Variants in NAV2 observed in about 807,000 individuals in gnomAD.
NAV2 encodes helicase, APC down-regulated 1.
NAV2 carries 54 observed loss-of-function variants against 223.2 expected under a neutral mutation model. The ratio of observed to expected loss-of-function variants is 0.24; its 90% confidence interval spans 0.19 to 0.30. The LOEUF (loss-of-function observed/expected upper bound fraction) is 0.30, where lower values mean the gene tolerates loss of function less well. Among genes scored for constraint, NAV2 ranks in the 10% least tolerant of loss-of-function variants. NAV2 has a pLI of 1.00. For synonymous variants in NAV2, 1,279 were observed against 1,239.3 expected, an observed-to-expected ratio of 1.03 and a Z score of -0.67; for missense variants, 2,806 against 3,147.5, an observed-to-expected ratio of 0.89 and a Z score of 2.60.
At chr11:19,943,149 A>T (rs963113225) in intron 8 of NAV2, among the ~76,000 whole-genome samples, 1 of 152,170 alleles carries the variant, frequency 6.6e-6, no homozygotes, top group Non-Finnish European at 1.5e-5. Context: ...TTCATAATCA[A>T]TATTTTCTAA....
intron 6 of NAV2, among the ~76,000 whole-genome samples, chr11:19,906,957 C>A (rs977885642): frequency 3.9e-5 from 6 of 152,130 alleles, no homozygotes; most frequent in African/African-American, 1.4e-4. Flanking sequence ...GACTTGGGCT[C>A]AGGACACCTG....
chr11:19,894,032 T>C (rs2041738936), intron 6 of NAV2, among the ~76,000 whole-genome samples: 1 of 152,234 alleles, frequency 6.6e-6, no homozygotes, highest in Non-Finnish European at 1.5e-5. Flanking sequence ...TGTATGTATA[T>C]ATGTATTTGT....
chr11:20,056,499 T>C, intron 19 of NAV2: 2 of 1,453,058 alleles, frequency 1.4e-6, no homozygotes, highest in Admixed American at 1.7e-5. Context: ...TATTTGGGGT[T>C]GGATTTTTAT....
chr11:20,068,121 A>T, intron 20 of NAV2, 65 bp from the exon 21 acceptor site: 3 of 1,411,422 alleles, frequency 2.1e-6, no homozygotes, highest in Non-Finnish European at 3.0e-6. Flanking sequence ...GGTGTTCCCG[A>T]TGGGCTGGAC....
chr11:19,792,435 C>T (rs866003213), intron 1 of NAV2, among the ~76,000 whole-genome samples: 2 of 152,212 alleles, frequency 1.3e-5, no homozygotes, highest in South Asian at 4.1e-4. Flanking sequence ...GGAGAGCACT[C>T]TTGGTAAATG....
chr11:19,832,551 A>G lies in NAV2; in HGVS notation c.335A>G (p.Gln112Arg), dbSNP rs758818407. Residue 112 changes from glutamine to arginine, a missense_variant, in exon 2 of 38, where the codon CAG (glutamine) becomes CGG (arginine). By Grantham distance (43) the Gln-to-Arg change is conservative. Transcript: ENST00000349880. ...SGHKRLIRDL[Q>R]QDVTDGVLLA... is the part of the protein sequence containing the mutation. Reference sequence around the variant, plus strand: ...CACAAGCGTCTCATCAGGGATCTCCAGCAAGATGTGACAGATGGCGTCCTC... The same window carrying G: ...CACAAGCGTCTCATCAGGGATCTCCGGCAAGATGTGACAGATGGCGTCCTC... The G allele has an allele frequency of 6.2e-7, 1 of 1,614,214 alleles. No individual in the cohort carries two copies. The highest frequency in any genetic ancestry group is 1.1e-5 in the South Asian group (1 of 91,076).
chr11:19,747,541 C>G (rs1000979217), intron 1 of NAV2, among the ~76,000 whole-genome samples: 4 of 152,152 alleles, frequency 2.6e-5, no homozygotes, highest in Non-Finnish European at 5.9e-5. Context: ...TCAGAAAGGG[C>G]TGAATGAAGC....
At chr11:19,442,681 G>C (rs1209197095) in intron 1 of NAV2, among the ~76,000 whole-genome samples, 1 of 152,206 alleles carries the variant, frequency 6.6e-6, no homozygotes, top group East Asian at 1.9e-4. Flanking sequence ...CAAGGGCCCA[G>C]GGCTCTGGTT....
intron 1 of NAV2, among the ~76,000 whole-genome samples, chr11:19,616,867 G>A (rs1228095561): frequency 6.6e-6 from 1 of 152,080 alleles, no homozygotes; most frequent in Non-Finnish European, 1.5e-5. Flanking sequence ...GAAAGAGCAT[G>A]AGGCTTTGGT....
intron 1 of NAV2, among the ~76,000 whole-genome samples, chr11:19,726,105 A>G (rs1159745421): frequency 6.6e-6 from 1 of 152,174 alleles, no homozygotes; most frequent in Non-Finnish European, 1.5e-5. Context: ...CTGGAAGGAG[A>G]GGAGATATAT....
chr11:19,604,177 G>A (rs73422281), intron 1 of NAV2, among the ~76,000 whole-genome samples: 1,597 of 152,194 alleles, frequency 0.01, 30 homozygotes, highest in African/African-American at 0.036. Context: ...GAGAAACATC[G>A]TGTGACTTAA....
Position 19,569,519 on chromosome 11 carries a change from A to T in NAV2, c.75+218492A>T, listed in dbSNP as rs182956706. On this transcript the variant is annotated intron_variant, in intron 1 of 37. Transcript: ENST00000360655. ...TTCCCACATTTGATTCCTAATATCC[A>T]TCTCGGTCTGTCCCATCCTGCCTTC... 2.0e-5 allele frequency among the ~76,000 whole-genome samples: 3 copies of T among 152,238 alleles called. No individual in the cohort carries two copies. In the East Asian group the frequency reaches 5.8e-4, roughly 29 times the overall value.
intron 6 of NAV2, among the ~76,000 whole-genome samples, chr11:19,916,795 A>G (rs954705986): frequency 6.6e-6 from 1 of 152,260 alleles, no homozygotes; most frequent in Non-Finnish European, 1.5e-5. Flanking sequence ...TTCCAATCAG[A>G]TTTTATTTAC....
rs1020284856 is a variant in NAV2, at chr11:20,121,548, G to T, written c.*3290G>T. On this transcript the variant is annotated 3_prime_UTR_variant, in exon 38 of 38. Coordinates refer to ENST00000349880, the MANE Select transcript of NAV2 (RefSeq NM_145117.5). ...GTCATAGAGAATAAAGCTGATGATTGTACCAGTCTTAAATTATTCATGATT... is the reference window on the plus strand; with the variant it reads ...GTCATAGAGAATAAAGCTGATGATTTTACCAGTCTTAAATTATTCATGATT... 1 of 152,494 alleles carries T rather than the reference G, an allele frequency of 6.6e-6. No individual in the cohort carries two copies. The highest frequency in any genetic ancestry group is 1.5e-5 in the Non-Finnish European group (1 of 68,020). The allele number at this position is 152,494 out of a possible 1,614,324, so 9.4% of individuals were successfully genotyped here.
chr11:19,925,450 G>A (rs1249252779), intron 6 of NAV2, among the ~76,000 whole-genome samples: 1 of 152,160 alleles, frequency 6.6e-6, no homozygotes, highest in African/African-American at 2.4e-5. Context: ...CTTTGCATAT[G>A]ATATAAGGTA....
chr11:19,618,498 ATGG>A (rs2046880002), intron 1 of NAV2, among the ~76,000 whole-genome samples: 3 of 142,524 alleles, frequency 2.1e-5, no homozygotes, highest in Non-Finnish European at 4.7e-5. Flanking sequence ...GGATAGATGG[ATGG>A]ATGGATGGAT....
intron 1 of NAV2, among the ~76,000 whole-genome samples, chr11:19,819,490 G>T (rs1486757081): frequency 6.6e-6 from 1 of 152,178 alleles, no homozygotes; most frequent in Admixed American, 6.5e-5. Context: ...TGGCAGGCAG[G>T]GTTGGCTTCT....
At chr11:19,368,273 A>C (rs1848357053) in intron 1 of NAV2, among the ~76,000 whole-genome samples, 1 of 152,208 alleles carries the variant, frequency 6.6e-6, no homozygotes, top group South Asian at 2.1e-4. Flanking sequence ...CCAGACCAAG[A>C]GGTCCTACAG....
At chr11:19,487,381 C>G (rs575330948) in intron 1 of NAV2, among the ~76,000 whole-genome samples, 1 of 152,180 alleles carries the variant, frequency 6.6e-6, no homozygotes, top group African/African-American at 2.4e-5. Context: ...TTCCAATGAT[C>G]CCTGCCTCCA....
Sources: gnomAD v4.1 joint callset for allele counts (sites outside exome capture counted in the v4.1 genomes callset) on GRCh38, gnomAD v4.1.1 for gene constraint, MANE v1.5 for transcripts, NCBI Gene and HGNC (gene_info 2026-07-23, HGNC 2026-07-21) for gene names.